Variants in TENM2 observed in about 807,000 individuals in gnomAD.
The protein encoded by TENM2 is teneurin-2.
TENM2 carries 52 observed loss-of-function variants against 245.2 expected under a neutral mutation model. The observed-to-expected ratio is 0.21, with a 90% CI of 0.17 to 0.27. TENM2 has a LOEUF of 0.27. TENM2 is among the 10% of genes least tolerant of loss of function. The pLI is 1.00. For synonymous variants in TENM2, 1,363 were observed against 1,438.9 expected (o/e 0.95, Z 1.19); for missense variants, 3,046 against 3,666.8 (o/e 0.83, Z 4.37).
the TENM2 span, among the ~76,000 whole-genome samples, chr5:167,028,153 A>G: frequency 6.6e-6 from 1 of 151,136 alleles, no homozygotes; most frequent in African/African-American, 2.4e-5. Context: ...TTTCTCTTTT[A>G]GAAGCTTACC....
chr5:167,709,849 G>T (rs1758789209), intron 2 of TENM2, among the ~76,000 whole-genome samples: 5 of 152,174 alleles, frequency 3.3e-5, no homozygotes, highest in Admixed American at 2.6e-4. Context: ...AAGAATGAGA[G>T]AGAGAAAGAG....
intron 2 of TENM2, among the ~76,000 whole-genome samples, chr5:167,795,680 G>GAAAT (rs1276999125): frequency 3.5e-4 from 53 of 151,502 alleles, no homozygotes; most frequent in East Asian, 1.4e-3. Flanking sequence ...AAGAAAGAAA[G>GAAAT]AATTTCCAAA....
At chr5:167,086,918 AACACACACACGCACACACACAC>A in the TENM2 span, among the ~76,000 whole-genome samples, 2 of 109,938 alleles carry the variant, frequency 1.8e-5, no homozygotes, top group African/African-American at 4.2e-5. Flanking sequence ...AGGAAACTCT[AACACACACACGCACACACACAC>A]ACACACACAC....
At chr5:167,631,799 G>A (rs936783081) in intron 2 of TENM2, among the ~76,000 whole-genome samples, 6 of 151,974 alleles carry the variant, frequency 3.9e-5, no homozygotes, top group Non-Finnish European at 7.4e-5. Flanking sequence ...CCCACCCTCA[G>A]GCAAGGCTAG....
the TENM2 span, among the ~76,000 whole-genome samples, chr5:167,012,946 G>T: frequency 6.6e-6 from 1 of 152,086 alleles, no homozygotes; most frequent in Non-Finnish European, 1.5e-5. Context: ...CCTGTTAGTG[G>T]AGCAGAAAAA....
the TENM2 span, among the ~76,000 whole-genome samples, chr5:167,226,990 TAA>T: frequency 5.3e-5 from 8 of 151,964 alleles, no homozygotes; most frequent in Non-Finnish European, 1.0e-4. Flanking sequence ...TTACTGTTTA[TAA>T]CTTAAAGTCT....
At chr5:167,284,246 T>G (rs930722415), upstream of TENM2, among the ~76,000 whole-genome samples, 3 of 150,378 alleles carry the variant, frequency 2.0e-5, no homozygotes, top group Non-Finnish European at 4.4e-5. Flanking sequence ...AAATGTTATG[T>G]TAGTTGAATG....
rs182533992 is a variant in TENM2 at position 167,379,319 on chromosome 5, A to G, written c.502+3846A>G. Among the ~76,000 whole-genome samples, 1,239 of 152,244 alleles carry G rather than the reference A, an allele frequency of 8.1e-3. 7 individuals carry two copies. The highest frequency in any genetic ancestry group is 0.041 in the Middle Eastern group (12 of 294). ...TATCTGTCTCCTCGGCAGAGTTCCA[A>G]CACACCCAGGTACTCACTGCTTGTT... On this transcript the variant is annotated intron_variant, in intron 2 of 28. Transcript: ENST00000518659.
chr5:167,252,621 G>A, the TENM2 span, among the ~76,000 whole-genome samples: 4 of 152,004 alleles, frequency 2.6e-5, no homozygotes, highest in Non-Finnish European at 4.4e-5. Flanking sequence ...CTTTCCATTC[G>A]TGGCTCTCAG....
chr5:166,985,037 T>C, the TENM2 span, among the ~76,000 whole-genome samples: 1 of 152,152 alleles, frequency 6.6e-6, no homozygotes, highest in Admixed American at 6.6e-5. Flanking sequence ...TCTAAGAAAG[T>C]AAATGCCAAT....
chr5:167,207,903 G>A, the TENM2 span, among the ~76,000 whole-genome samples: 140 of 152,132 alleles, frequency 9.2e-4, no homozygotes, highest in Admixed American at 1.5e-3. Flanking sequence ...ATAGGCACGC[G>A]CCAATGTGCC....
chr5:167,230,528 A>C, the TENM2 span, among the ~76,000 whole-genome samples: 1 of 152,038 alleles, frequency 6.6e-6, no homozygotes, highest in South Asian at 2.1e-4. Context: ...AGCCATTTTG[A>C]AGCCCCTCCT....
chr5:167,047,643 TTA>T, the TENM2 span, among the ~76,000 whole-genome samples: 1 of 152,182 alleles, frequency 6.6e-6, no homozygotes, highest in Non-Finnish European at 1.5e-5. Flanking sequence ...AGAGGCTAGT[TTA>T]TGTTTTCTTT....
At chr5:168,031,414 CCAGA>C (rs1787130729) in intron 5 of TENM2, among the ~76,000 whole-genome samples, 1 of 152,168 alleles carries the variant, frequency 6.6e-6, no homozygotes, top group Admixed American at 6.5e-5. Flanking sequence ...AGATTTTTCT[CCAGA>C]CAGACCATAT....
intron 2 of TENM2, among the ~76,000 whole-genome samples, chr5:167,453,154 C>T (rs1273761592): frequency 6.6e-6 from 1 of 151,208 alleles, no homozygotes; most frequent in Non-Finnish European, 1.5e-5. Flanking sequence ...TATATTGTAA[C>T]TGCCTTTGGA....
At chr5:167,096,619 G>A in the TENM2 span, among the ~76,000 whole-genome samples, 9 of 152,086 alleles carry the variant, frequency 5.9e-5, no homozygotes, top group Admixed American at 1.3e-4. Flanking sequence ...CATAAAGCCC[G>A]ACGCTTATAA....
chr5:167,454,857 A>G (rs887832233), intron 2 of TENM2, among the ~76,000 whole-genome samples: 2 of 152,184 alleles, frequency 1.3e-5, no homozygotes, highest in African/African-American at 2.4e-5. Flanking sequence ...CCTGAGTTAC[A>G]TGTCCATGAT....
At chr5:167,408,006 TG>T (rs1762722683) in intron 2 of TENM2, among the ~76,000 whole-genome samples, 1 of 152,172 alleles carries the variant, frequency 6.6e-6, no homozygotes, top group South Asian at 2.1e-4. Context: ...GTTCATACAA[TG>T]AATTCATCAA....
chr5:167,174,537 CTTTGT>C, the TENM2 span, among the ~76,000 whole-genome samples: 5 of 152,032 alleles, frequency 3.3e-5, no homozygotes, highest in South Asian at 8.3e-4. Flanking sequence ...TGTCTTCTTG[CTTTGT>C]TTTAATTTTC....
Sources: allele counts gnomAD v4.1 joint callset (sites outside exome capture counted in the v4.1 genomes callset), GRCh38; gene constraint gnomAD v4.1.1; transcripts MANE v1.5; gene names NCBI Gene and HGNC (gene_info 2026-07-23, HGNC 2026-07-21).